Variants in REG4 observed in about 807,000 individuals in gnomAD.
REG4 encodes regenerating islet-derived protein 4.
A neutral mutation model predicts 22.3 loss-of-function variants in REG4; 16 were observed. The observed-to-expected ratio is 0.72, with a 90% confidence interval of 0.49 to 1.09. The LOEUF is 1.09. Ranked by LOEUF, REG4 falls within the 50% of genes least tolerant of loss-of-function variation. The probability of loss-of-function intolerance (pLI) is 0.00; values close to 1 mark genes in which losing one functional copy is unlikely to be tolerated. For synonymous variants in REG4, 71 were observed against 69.2 expected, an observed-to-expected ratio of 1.03 and a Z score of -0.13; for missense variants, 214 against 193.9, an observed-to-expected ratio of 1.10 and a Z score of -0.61.
chr1:119,794,219 G>A lies in REG4; in HGVS notation c.*399C>T. 1.9e-6 allele frequency: 1 copy of A among 539,086 alleles called. No homozygotes were observed. Among genetic ancestry groups the A allele is most frequent in the Non-Finnish European group, 3.8e-6 (1 of 263,906 alleles). The allele number at this position is 539,086 out of a possible 1,614,324, so 33.4% of individuals were successfully genotyped here. On this transcript the variant is annotated 3_prime_UTR_variant, in exon 6 of 6. Coordinates refer to ENST00000256585, the MANE Select transcript of REG4 (RefSeq NM_032044.4). ...TGGCTGGGGTGGGGTGCAGGCAATG[G>A]AGAGAGGGCAGAAGGGTGTAGAAGC...
intron 3 of REG4, among the ~76,000 whole-genome samples, chr1:119,800,162 C>T (rs1654054943): frequency 6.6e-6 from 1 of 152,216 alleles, no homozygotes; most frequent in African/African-American, 2.4e-5. Flanking sequence ...GTCACTTCAC[C>T]TCTCTGAGGC....
intron 2 of REG4, among the ~76,000 whole-genome samples, chr1:119,808,094 A>G (rs909000354): frequency 6.6e-6 from 1 of 152,222 alleles, no homozygotes; most frequent in African/African-American, 2.4e-5. Flanking sequence ...TAAATAGAAC[A>G]AAGACATTAC....
chr1:119,808,033 C>T (rs1364346945), intron 2 of REG4, among the ~76,000 whole-genome samples: 1 of 152,234 alleles, frequency 6.6e-6, no homozygotes, highest in Non-Finnish European at 1.5e-5. Flanking sequence ...CTTAATCTTA[C>T]TGTGTGACAT....
At chr1:119,810,437 T>C (rs1654460271) in intron 1 of REG4, among the ~76,000 whole-genome samples, 1 of 152,228 alleles carries the variant, frequency 6.6e-6, no homozygotes, top group Admixed American at 6.5e-5. Flanking sequence ...ATGACTTTTC[T>C]GGAAAATCAA....
chr1:119,808,280 C>T (rs181088208), intron 2 of REG4, among the ~76,000 whole-genome samples: 19 of 152,298 alleles, frequency 1.2e-4, no homozygotes, highest in Middle Eastern at 6.8e-3. Flanking sequence ...AATGTATAAG[C>T]GCCATCTCTC....
At chr1:119,798,393 G>T in intron 5 of REG4, 104 bp downstream of exon 5, 2 of 839,660 alleles carry the variant, frequency 2.4e-6, no homozygotes, top group Non-Finnish European at 4.1e-6. Flanking sequence ...TGTTGGTGTG[G>T]AATGAGGAGG....
intron 1 of REG4, among the ~76,000 whole-genome samples, chr1:119,810,234 A>G (rs1323177393): frequency 2.0e-5 from 3 of 152,146 alleles, no homozygotes; most frequent in African/African-American, 7.2e-5. Context: ...AATATTTATC[A>G]CTGTTCTATT....
At chr1:119,805,154 T>C (rs1302039248) in intron 2 of REG4, among the ~76,000 whole-genome samples, 5 of 152,224 alleles carry the variant, frequency 3.3e-5, no homozygotes, top group Admixed American at 6.5e-5. Context: ...TGGGCTGCCT[T>C]GATTATTTTC....
rs892338752 is a variant in REG4 at position 119,803,261 on chromosome 1, G to A, written c.68-96C>T. The A allele has an allele frequency of 7.7e-6, 10 of 1,291,468 alleles. 1 individual carries two copies. In the East Asian group the frequency reaches 2.6e-4, roughly 34 times the overall value. The allele number at this position is 1,291,468 out of a possible 1,614,324, so 80.0% of individuals were successfully genotyped here. A position where few individuals can be genotyped will look rare whatever the true frequency, so the allele number is the denominator to read the frequency against. On this transcript the variant is annotated intron_variant, in intron 2 of 5. Coordinates refer to ENST00000256585, the MANE Select transcript of REG4 (RefSeq NM_032044.4). ...TGCAATCAGGAACCCCTTGAATGAA[G>A]AGAGTCCCTTCATGAAGGGTCCTGC...
intron 2 of REG4, among the ~76,000 whole-genome samples, chr1:119,806,955 A>G (rs1312090530): frequency 6.6e-6 from 1 of 152,258 alleles, no homozygotes; most frequent in African/African-American, 2.4e-5. Context: ...AGTGATTAGC[A>G]CAGAGCCTAG....
intron 3 of REG4, chr1:119,801,386 C>T (rs1431664596): frequency 2.0e-5 from 3 of 152,212 alleles, no homozygotes; most frequent in African/African-American, 4.8e-5. Context: ...CAGCATGCTT[C>T]TATCACTGTA....
chr1:119,797,013 A>G (rs1251542288), intron 5 of REG4, among the ~76,000 whole-genome samples: 1 of 152,198 alleles, frequency 6.6e-6, no homozygotes, highest in Non-Finnish European at 1.5e-5. Context: ...CGAATCCCTG[A>G]TATTGGTATT....
chr1:119,798,460 A>T (rs1459222620), intron 5 of REG4, 37 bp downstream of exon 5: 11 of 1,523,752 alleles, frequency 7.2e-6, no homozygotes, highest in Non-Finnish European at 1.0e-5. Flanking sequence ...GAGTCTGCGC[A>T]TTGGGAAGTG....
At chr1:119,798,321 A>G (rs1322998479) in intron 5 of REG4, among the ~76,000 whole-genome samples, 176 bp downstream of exon 5, 2 of 152,252 alleles carry the variant, frequency 1.3e-5, no homozygotes, top group Non-Finnish European at 2.9e-5. Flanking sequence ...AGTGATCACA[A>G]AGGACTGAAT....
intron 2 of REG4, among the ~76,000 whole-genome samples, chr1:119,803,695 A>T (rs1320647101): frequency 2.0e-5 from 3 of 152,240 alleles, no homozygotes; most frequent in African/African-American, 7.2e-5. Flanking sequence ...GCATCACAAG[A>T]GTGGATGAGG....
chr1:119,809,935 A>G (rs1213945300), intron 1 of REG4, among the ~76,000 whole-genome samples: 1 of 152,142 alleles, frequency 6.6e-6, no homozygotes, highest in East Asian at 1.9e-4. Context: ...ACATCTTTTT[A>G]TATAATGATT....
At chr1:119,799,062 A>G (rs1431666250) in intron 4 of REG4, among the ~76,000 whole-genome samples, 1 of 152,186 alleles carries the variant, frequency 6.6e-6, no homozygotes, top group East Asian at 1.9e-4. Flanking sequence ...AGGTTGAACG[A>G]ATGTGTGGTA....
chr1:119,802,711 C>A (rs1654149659), intron 3 of REG4: 11 of 1,433,350 alleles, frequency 7.7e-6, no homozygotes, highest in Non-Finnish European at 9.1e-6. Context: ...TCTGGTAAAT[C>A]TTGTACAGAA....
chr1:119,808,966 A>G, intron 1 of REG4, 103 bp from the exon 2 acceptor site: 1 of 518,100 alleles, frequency 1.9e-6, no homozygotes, highest in Non-Finnish European at 3.4e-6. Flanking sequence ...TCCAGACTTT[A>G]TAATGAAGGG....
Sources: gnomAD v4.1 joint callset for allele counts (sites outside exome capture counted in the v4.1 genomes callset) on GRCh38, gnomAD v4.1.1 for gene constraint, MANE v1.5 for transcripts, NCBI Gene and HGNC (gene_info 2026-07-23, HGNC 2026-07-21) for gene names.